Variants in CHN1 observed in about 807,000 individuals in gnomAD.
CHN1 encodes the protein N-chimaerin.
Under a neutral mutation model 59.5 loss-of-function variants are expected in CHN1, and 37 were observed. That is an observed-to-expected ratio of 0.62 (90% confidence interval 0.48 to 0.82). The LOEUF (loss-of-function observed/expected upper bound fraction) is 0.82, where lower values mean the gene tolerates loss of function less well. Among genes scored for constraint, CHN1 ranks in the 40% least tolerant of loss-of-function variants. CHN1 has a pLI of 0.00. For missense variants in CHN1, 469 were observed against 571.0 expected, an observed-to-expected ratio of 0.82 and a Z score of 1.82; for synonymous variants, 206 against 200.4, an observed-to-expected ratio of 1.03 and a Z score of -0.24.
intron 3 of CHN1, among the ~76,000 whole-genome samples, chr2:174,941,050 G>C (rs1015239277): frequency 1.7e-4 from 26 of 151,982 alleles, no homozygotes; most frequent in South Asian, 2.1e-4. Context: ...TATAATTACG[G>C]ACTTACAAAT....
intron 5 of CHN1, among the ~76,000 whole-genome samples, chr2:174,897,303 T>C (rs1433653095): frequency 6.6e-6 from 1 of 152,204 alleles, no homozygotes; most frequent in Non-Finnish European, 1.5e-5. Context: ...ATTTATTCTT[T>C]TGTATTTTGG....
chr2:174,985,540 A>G (rs1421184175), intron 1 of CHN1, among the ~76,000 whole-genome samples: 1 of 152,214 alleles, frequency 6.6e-6, no homozygotes, highest in Non-Finnish European at 1.5e-5. Flanking sequence ...ATAAATGTCC[A>G]TATTTTAAGA....
chr2:174,992,272 A>G (rs1330651597), intron 1 of CHN1, among the ~76,000 whole-genome samples: 2 of 152,220 alleles, frequency 1.3e-5, no homozygotes, highest in African/African-American at 4.8e-5. Context: ...TAGGAAATCC[A>G]GATAGAGCTG....
At chr2:174,990,318 TG>T in intron 1 of CHN1, among the ~76,000 whole-genome samples, 1 of 72,174 alleles carries the variant, frequency 1.4e-5, no homozygotes, top group Admixed American at 1.4e-4. Flanking sequence ...TGCGAGGTCG[TG>T]GGGGGGTGCG....
chr2:174,890,078 A>G (rs1302360286), intron 5 of CHN1, among the ~76,000 whole-genome samples: 1 of 152,234 alleles, frequency 6.6e-6, no homozygotes, highest in Admixed American at 6.5e-5. Context: ...TCCATTATCC[A>G]TAATTAGTTT....
intron 3 of CHN1, among the ~76,000 whole-genome samples, chr2:174,939,778 A>G (rs554013924): frequency 6.6e-6 from 1 of 152,280 alleles, no homozygotes; most frequent in East Asian, 1.9e-4. Context: ...ATGAAAGGCA[A>G]TAATCAAGTA....
chr2:175,002,422 A>G lies in CHN1; in HGVS notation c.19+2472T>C, dbSNP rs1169178177. Among the ~76,000 whole-genome samples the G allele has an allele frequency of 4.6e-5, 7 of 152,368 alleles. 1 individual carries two copies. The Middle Eastern group carries it at 0.014, about 296-fold the overall frequency. On this transcript the variant is annotated intron_variant, in intron 1 of 12. Coordinates refer to ENST00000409900, the MANE Select transcript of CHN1 (RefSeq NM_001822.7). Reference sequence around the variant, plus strand: ...AGAGATAAAACAGTCTTAACTATTCAGCTTAATTTAACAAGTATTCGAGTT... The same window carrying G: ...AGAGATAAAACAGTCTTAACTATTCGGCTTAATTTAACAAGTATTCGAGTT...
chr2:174,919,164 A>G (rs529467623), intron 3 of CHN1, among the ~76,000 whole-genome samples: 16 of 152,364 alleles, frequency 1.1e-4, no homozygotes, highest in African/African-American at 3.1e-4. Context: ...TTCTACCTGC[A>G]GGGACACATT....
chr2:174,920,979 T>C lies in CHN1; in HGVS notation c.115-2414A>G, dbSNP rs892766022. 3 of 434,364 alleles carry C rather than the reference T, an allele frequency of 6.9e-6. No homozygotes were observed. In the East Asian group the frequency reaches 2.1e-4, roughly 30 times the overall value. The allele number at this position is 434,364 out of a possible 1,614,324, so 26.9% of individuals were successfully genotyped here. On this transcript the variant is annotated intron_variant, in intron 3 of 12. Coordinates refer to ENST00000409900, the MANE Select transcript of CHN1 (RefSeq NM_001822.7). The stretch of plus-strand genomic sequence containing the variant: ...GGATTCTCATAAGGGGCATGCAACC[T>C]AGGTCCCTCGCATGTGCAGTTCACA...
intron 1 of CHN1, among the ~76,000 whole-genome samples, chr2:174,961,756 G>A (rs1690418099): frequency 6.6e-6 from 1 of 151,964 alleles, no homozygotes; most frequent in African/African-American, 2.4e-5. Flanking sequence ...CAAGACAGCT[G>A]GATTCTCATA....
intron 2 of CHN1, among the ~76,000 whole-genome samples, chr2:174,949,758 G>A (rs1304307183): frequency 1.3e-5 from 2 of 151,984 alleles, no homozygotes; most frequent in Non-Finnish European, 2.9e-5. Context: ...TTCTAAAAAG[G>A]ATTTTTCCAC....
intron 5 of CHN1, among the ~76,000 whole-genome samples, chr2:174,891,159 A>AAAAAAAAAAAAAAAAAAAAC (rs1688036566): frequency 6.9e-6 from 1 of 144,820 alleles, no homozygotes; most frequent in East Asian, 2.0e-4. Flanking sequence ...AAAAAAAAAA[A>AAAAAAAAAAAAAAAAAAAAC]AAAAAAGAAA....
chr2:174,998,786 A>G (rs1691793688), intron 1 of CHN1, among the ~76,000 whole-genome samples: 2 of 152,184 alleles, frequency 1.3e-5, no homozygotes, highest in Non-Finnish European at 2.9e-5. Flanking sequence ...TTCTTTGAGG[A>G]AGAAAAGTAA....
chr2:174,934,627 G>A (rs1689443917), intron 3 of CHN1, among the ~76,000 whole-genome samples: 1 of 152,216 alleles, frequency 6.6e-6, no homozygotes, highest in Non-Finnish European at 1.5e-5. Flanking sequence ...GTACCAACTT[G>A]AAGTTCAGAA....
intron 2 of CHN1, among the ~76,000 whole-genome samples, chr2:174,951,063 G>A (rs1690012699): frequency 6.6e-6 from 1 of 152,214 alleles, no homozygotes; most frequent in African/African-American, 2.4e-5. Flanking sequence ...ACAGGCATGA[G>A]CCACAGTGCC....
chr2:174,877,922 G>T lies in CHN1; in HGVS notation c.467C>A (p.Ala156Glu). 1 of 1,613,682 alleles carries T rather than the reference G, an allele frequency of 6.2e-7. No individual in the cohort carries two copies. Among genetic ancestry groups the T allele is most frequent in the African/African-American group, 1.3e-5 (1 of 74,974 alleles). ...CAGGACTGGCATATGTTTTTTGTAT[G>T]CTGGCTCTCTGTTTAAGGTTGTGTA... ...VGYTTLNREPAYKKHMPVLKE... is the reference protein window; with the variant it reads ...VGYTTLNREPEYKKHMPVLKE... Residue 156 changes from alanine (A) to glutamate (E), a missense_variant, in exon 6 of 13, where the codon GCA (alanine) becomes GAA (glutamate). By Grantham distance (107) the Ala-to-Glu change is moderately radical (BLOSUM62 -1). Transcript: ENST00000409900.
At chr2:174,945,282 G>A in intron 2 of CHN1, 1 of 338,008 alleles carries the variant, frequency 3.0e-6, no homozygotes, top group Non-Finnish European at 6.2e-6. Context: ...AACCAATAAT[G>A]GTTATATATA....
intron 3 of CHN1, among the ~76,000 whole-genome samples, chr2:174,923,381 C>G (rs1459255557): frequency 2.0e-5 from 3 of 152,174 alleles, no homozygotes; most frequent in Non-Finnish European, 4.4e-5. Flanking sequence ...GCCTTGTGAT[C>G]CACCCACCTC....
At chr2:174,887,062 T>C (rs1319360885) in intron 5 of CHN1, among the ~76,000 whole-genome samples, 2 of 152,178 alleles carry the variant, frequency 1.3e-5, no homozygotes, top group Non-Finnish European at 2.9e-5. Flanking sequence ...TTTATATAAA[T>C]GGAATTACAT....
Sources: allele counts gnomAD v4.1 joint callset (sites outside exome capture counted in the v4.1 genomes callset), GRCh38; gene constraint gnomAD v4.1.1; transcripts MANE v1.5; gene names NCBI Gene and HGNC (gene_info 2026-07-23, HGNC 2026-07-21).